Variants in PRH1 observed in about 807,000 individuals in gnomAD.
PRH1 encodes proline rich protein HaeIII subfamily 1.
Under a neutral mutation model 7.9 loss-of-function variants are expected in PRH1, and 7 were observed. That is an observed-to-expected ratio of 0.89 (90% CI 0.50 to 1.67). PRH1 has a LOEUF of 1.67. PRH1 is among the 40% of genes most tolerant of loss of function. The pLI, the probability that PRH1 is intolerant of heterozygous loss-of-function variation, is 0.00. For missense variants in PRH1, 109 were observed against 223.6 expected (o/e 0.49, Z 3.27); for synonymous variants, 45 against 80.8 (o/e 0.56, Z 2.38).
At chr12:11,042,841 G>T (rs1188220754) in intron 1 of PRH1, among the ~76,000 whole-genome samples, 1 of 151,874 alleles carries the variant, frequency 6.6e-6, no homozygotes, top group African/African-American at 2.4e-5. Flanking sequence ...GTGTTAGCCA[G>T]GATGGTCTTG....
intron 1 of PRH1, among the ~76,000 whole-genome samples, chr12:11,163,040 G>A (rs1019262668): frequency 2.0e-5 from 3 of 152,116 alleles, no homozygotes; most frequent in Non-Finnish European, 4.4e-5. Flanking sequence ...TGTGTAGTAT[G>A]TTCTATATTG....
chr12:11,124,752 G>A (rs1227178326), intron 1 of PRH1, among the ~76,000 whole-genome samples: 1 of 152,246 alleles, frequency 6.6e-6, no homozygotes, highest in African/African-American at 2.4e-5. Flanking sequence ...CTAAAAGGGA[G>A]AATGTTATTT....
At chr12:11,165,230 T>C (rs890127446) in intron 1 of PRH1, among the ~76,000 whole-genome samples, 8 of 152,186 alleles carry the variant, frequency 5.3e-5, no homozygotes, top group African/African-American at 1.9e-4. Flanking sequence ...CCACCAGTAA[T>C]GTATGAGGAT....
chr12:11,083,841 A>T (rs77391922), intron 1 of PRH1, among the ~76,000 whole-genome samples: 6,324 of 92,302 alleles, frequency 0.069, 6 homozygotes, highest in African/African-American at 0.11. Context: ...CATTTTTCAA[A>T]CCTAATAATT....
At chr12:10,908,265 C>T in intron 2 of PRH1, 1 of 820,256 alleles carries the variant, frequency 1.2e-6, no homozygotes, top group South Asian at 2.0e-5. Context: ...TTTACAGTGA[C>T]CTTCACAATA....
At chr12:11,126,720 T>C (rs1299334817) in intron 1 of PRH1, among the ~76,000 whole-genome samples, 2 of 152,214 alleles carry the variant, frequency 1.3e-5, no homozygotes, top group African/African-American at 4.8e-5. Flanking sequence ...GTAACTGTAC[T>C]AGACATATTT....
chr12:11,056,178 T>C (rs150515368), intron 1 of PRH1, among the ~76,000 whole-genome samples: 3 of 152,404 alleles, frequency 2.0e-5, no homozygotes, highest in Non-Finnish European at 4.4e-5. Context: ...CTCTTGAGCC[T>C]AATACTTAAA....
intron 1 of PRH1, among the ~76,000 whole-genome samples, chr12:11,135,321 A>T (rs1413663931): frequency 1.3e-5 from 2 of 152,126 alleles, no homozygotes; most frequent in East Asian, 3.8e-4. Context: ...TAGCTTCCAT[A>T]CTGGGTGTTC....
At chr12:11,097,836 G>A (rs563541461) in intron 1 of PRH1, among the ~76,000 whole-genome samples, 1 of 112,342 alleles carries the variant, frequency 8.9e-6, no homozygotes, top group African/African-American at 2.9e-5. Flanking sequence ...AGCGTGATGA[G>A]AGAACACTAT....
intron 1 of PRH1, among the ~76,000 whole-genome samples, chr12:11,032,636 T>A (rs1354050508): frequency 6.6e-6 from 1 of 152,204 alleles, no homozygotes; most frequent in Non-Finnish European, 1.5e-5. Flanking sequence ...AGCCCATGAA[T>A]AATATTTATT....
At chr12:10,994,830 A>T (rs967644278) in intron 1 of PRH1, among the ~76,000 whole-genome samples, 44 of 152,322 alleles carry the variant, frequency 2.9e-4, no homozygotes, top group Middle Eastern at 3.4e-3. Context: ...TTGTTTATAT[A>T]ATAACCAGCT....
intron 1 of PRH1, among the ~76,000 whole-genome samples, chr12:11,138,355 A>G (rs1946613897): frequency 6.6e-6 from 1 of 152,198 alleles, no homozygotes; most frequent in East Asian, 1.9e-4. Flanking sequence ...ATCATGCTAA[A>G]TATGTTTTAC....
chr12:10,884,497 C>A (rs1285711192), upstream of PRH1, among the ~76,000 whole-genome samples: 1 of 152,160 alleles, frequency 6.6e-6, no homozygotes, highest in African/African-American at 2.4e-5. Flanking sequence ...GAACTGTGTC[C>A]AAGCAGTCGG....
chr12:11,061,349 T>A, intron 1 of PRH1: 1 of 1,605,044 alleles, frequency 6.2e-7, no homozygotes. Flanking sequence ...AGATACACAA[T>A]GCTGCTCTTG....
At chr12:10,957,869 T>A (rs1409202338) in intron 2 of PRH1, among the ~76,000 whole-genome samples, 1 of 152,086 alleles carries the variant, frequency 6.6e-6, no homozygotes, top group Admixed American at 6.6e-5. Flanking sequence ...AGATACTATC[T>A]CATACCAGTC....
intron 2 of PRH1, among the ~76,000 whole-genome samples, chr12:10,934,042 A>G (rs915615452): frequency 9.9e-5 from 15 of 152,202 alleles, no homozygotes; most frequent in African/African-American, 3.6e-4. Context: ...CAACTTCTAA[A>G]GAATCTTTGT....
chr12:10,930,620 T>A (rs539401385), intron 2 of PRH1: 3 of 1,609,336 alleles, frequency 1.9e-6, no homozygotes, highest in Non-Finnish European at 2.5e-6. Flanking sequence ...ACAGGAGGGT[T>A]TTCCAGCATG....
chr12:10,953,617 C>G (rs140351715), intron 2 of PRH1, among the ~76,000 whole-genome samples: 3,009 of 152,160 alleles, frequency 0.02, 34 homozygotes, highest in South Asian at 0.031. Context: ...ATTTTGTTAA[C>G]AGACTAAATA....
chr12:11,041,310 A>C (rs901828160), intron 1 of PRH1, among the ~76,000 whole-genome samples: 169 of 146,488 alleles, frequency 1.2e-3, no homozygotes, highest in Middle Eastern at 3.4e-3. Context: ...AAAAAAAAAA[A>C]ACAAAAAAGT....
Sources: gnomAD v4.1 joint callset for allele counts (sites outside exome capture counted in the v4.1 genomes callset) on GRCh38, gnomAD v4.1.1 for gene constraint, MANE v1.5 for transcripts, NCBI Gene and HGNC (gene_info 2026-07-23, HGNC 2026-07-21) for gene names.